Variants in CNTNAP3B observed in about 807,000 individuals in gnomAD.
CNTNAP3B encodes the protein contactin-associated protein-like 3B.
A neutral mutation model predicts 108.9 loss-of-function variants in CNTNAP3B; 25 were observed. The observed-to-expected ratio is 0.23, with a 90% CI of 0.17 to 0.32. The LOEUF (loss-of-function observed/expected upper bound fraction) is 0.32, where lower values mean the gene tolerates loss of function less well. Ranked by LOEUF, CNTNAP3B falls within the 10% of genes least tolerant of loss-of-function variation. CNTNAP3B has a pLI of 1.00. For synonymous variants in CNTNAP3B, 103 were observed against 473.4 expected (o/e 0.22, Z 10.16); for missense variants, 252 against 1,210.4 (o/e 0.21, Z 11.75).
chr9:41,939,207 T>C (rs2118069196), intron 13 of CNTNAP3B, among the ~76,000 whole-genome samples: 1 of 152,386 alleles, frequency 6.6e-6, no homozygotes, highest in South Asian at 2.1e-4. Flanking sequence ...AAAGCAGGTG[T>C]CAGGCCACCT....
chr9:42,121,305 C>T (rs1828457028), intron 1 of CNTNAP3B, among the ~76,000 whole-genome samples: 1 of 139,590 alleles, frequency 7.2e-6, no homozygotes, highest in Non-Finnish European at 1.5e-5. Flanking sequence ...TTCCATTCTT[C>T]CCTCTTTTAT....
intron 14 of CNTNAP3B, among the ~76,000 whole-genome samples, chr9:41,931,629 T>G: frequency 6.6e-6 from 1 of 150,548 alleles, no homozygotes; most frequent in Non-Finnish European, 1.5e-5. Context: ...GTTATTCATT[T>G]TAATGCAAAG....
intron 14 of CNTNAP3B, among the ~76,000 whole-genome samples, chr9:41,933,310 C>T (rs1458139088): frequency 1.3e-5 from 2 of 152,300 alleles, no homozygotes; most frequent in African/African-American, 2.4e-5. Flanking sequence ...CAACCTTCCT[C>T]TCTGTGTGAT....
At chr9:41,987,891 A>G (rs1388842001) in intron 8 of CNTNAP3B, among the ~76,000 whole-genome samples, 2 of 127,932 alleles carry the variant, frequency 1.6e-5, no homozygotes, top group African/African-American at 5.7e-5. Context: ...CTATAAAGTT[A>G]ACATTTTACT....
At chr9:42,094,360 CAA>C (rs1230561364) in intron 2 of CNTNAP3B, among the ~76,000 whole-genome samples, 1 of 128,458 alleles carries the variant, frequency 7.8e-6, no homozygotes, top group Non-Finnish European at 1.6e-5. Context: ...AAAAAAAAAA[CAA>C]AGAGGGCGGG....
intron 2 of CNTNAP3B, among the ~76,000 whole-genome samples, chr9:42,091,874 A>G (rs1449886641): frequency 1.0e-5 from 1 of 96,620 alleles, no homozygotes; most frequent in Non-Finnish European, 2.2e-5. Flanking sequence ...AAAAATAAAT[A>G]GGAAGATACA....
At chr9:42,051,840 C>T (rs200293491) in intron 3 of CNTNAP3B, among the ~76,000 whole-genome samples, 30,054 of 147,576 alleles carry the variant, frequency 0.2, 1 homozygote, top group South Asian at 0.27. Flanking sequence ...AAATAGAAGC[C>T]GTTCCTAAAC....
At chr9:41,958,525 G>T (rs1824948404) in intron 12 of CNTNAP3B, among the ~76,000 whole-genome samples, 1 of 151,906 alleles carries the variant, frequency 6.6e-6, no homozygotes, top group South Asian at 2.1e-4. Flanking sequence ...AACATGTGTG[G>T]GAAGGGGAAA....
At chr9:42,108,387 G>A (rs1226823754) in intron 1 of CNTNAP3B, among the ~76,000 whole-genome samples, 1 of 138,532 alleles carries the variant, frequency 7.2e-6, no homozygotes, top group Non-Finnish European at 1.5e-5. Context: ...GATATAAAAT[G>A]TTTTATTCAG....
At chr9:42,066,269 C>G (rs1226808951) in intron 3 of CNTNAP3B, among the ~76,000 whole-genome samples, 1 of 132,266 alleles carries the variant, frequency 7.6e-6, no homozygotes, top group Non-Finnish European at 1.6e-5. Context: ...TCTTACCCCT[C>G]TCCTGCCTGC....
At chr9:41,934,122 T>TATATATATATATATATATATACACACAC (rs1214326050) in intron 14 of CNTNAP3B, among the ~76,000 whole-genome samples, 14 of 73,376 alleles carry the variant, frequency 1.9e-4, no homozygotes, top group Non-Finnish European at 2.1e-4. Context: ...TATATATATA[T>TATATATATATATATATATATACACACAC]ACACACACAT....
chr9:41,996,321 C>T lies in CNTNAP3B; in HGVS notation c.955G>A (p.Gly319Arg), dbSNP rs773702903. 50 of 1,541,100 alleles carry T rather than the reference C, an allele frequency of 3.2e-5. 8 individuals are homozygous for T. The highest frequency in any genetic ancestry group is 4.2e-5 in the Non-Finnish European group (48 of 1,138,076). The change falls in exon 7 of 24, where the codon GGA becomes AGA. Residue 319 changes from glycine to arginine, a missense_variant. By Grantham distance (125) the Gly-to-Arg change is moderately radical (BLOSUM62 -2). Transcript: ENST00000377561. ...TTACGTGTGAATGCCCGTGATCTTC[C>T]GGGTGACAGAATTCCCCCAAAGCTG... is the stretch of plus-strand genomic sequence containing the variant. ...EISFGGILSP[G>R]RSRAFTRKSF...
intron 2 of CNTNAP3B, among the ~76,000 whole-genome samples, chr9:42,098,059 T>G (rs188266533): frequency 7.2e-6 from 1 of 139,110 alleles, no homozygotes; most frequent in Non-Finnish European, 1.5e-5. Context: ...AAGATTTTTT[T>G]CCACAAATAA....
chr9:41,986,954 T>C (rs1310930248), intron 8 of CNTNAP3B, among the ~76,000 whole-genome samples: 2 of 122,396 alleles, frequency 1.6e-5, no homozygotes, highest in African/African-American at 6.8e-5. Context: ...GACTTGTGCC[T>C]AGCGAGGTGC....
intron 13 of CNTNAP3B, among the ~76,000 whole-genome samples, chr9:41,942,863 A>G (rs1003062838): frequency 1.3e-4 from 20 of 152,170 alleles, no homozygotes; most frequent in African/African-American, 4.8e-4. Context: ...GAGCAAATTC[A>G]GCCTAACTAC....
At chr9:41,959,996 C>CGTT (rs1491218961) in intron 12 of CNTNAP3B, 13 of 137,250 alleles carry the variant, frequency 9.5e-5, no homozygotes, top group African/African-American at 3.5e-4. Context: ...TCTTTTTTTC[C>CGTT]TTTTTTTTTT....
At chr9:41,940,510 G>T (rs549818517) in intron 13 of CNTNAP3B, among the ~76,000 whole-genome samples, 1 of 145,678 alleles carries the variant, frequency 6.9e-6, no homozygotes, top group Non-Finnish European at 1.5e-5. Context: ...TATCCTTCAA[G>T]AATAAAAATG....
chr9:42,062,612 T>C (rs560017643), intron 3 of CNTNAP3B, among the ~76,000 whole-genome samples: 1 of 119,318 alleles, frequency 8.4e-6, no homozygotes, highest in Admixed American at 8.6e-5. Context: ...ACATTTAAGG[T>C]AATTGTTGCC....
intron 13 of CNTNAP3B, among the ~76,000 whole-genome samples, chr9:41,940,835 A>T (rs4878273): frequency 0.2 from 29,526 of 146,060 alleles, no homozygotes; most frequent in South Asian, 0.26. Flanking sequence ...ACAACAACAA[A>T]AAACCTTTTT....
Sources: allele counts gnomAD v4.1 joint callset (sites outside exome capture counted in the v4.1 genomes callset), GRCh38; gene constraint gnomAD v4.1.1; transcripts MANE v1.5; gene names NCBI Gene and HGNC (gene_info 2026-07-23, HGNC 2026-07-21).